UBXN7: variants seen among roughly 807,000 people sequenced by gnomAD.
The protein encoded by UBXN7 is UBX domain protein 7.
Under a neutral mutation model 58.0 loss-of-function variants are expected in UBXN7, and 9 were observed. The ratio of observed to expected loss-of-function variants is 0.16; its 90% CI spans 0.09 to 0.27. The LOEUF is 0.27. UBXN7 is among the 10% of genes least tolerant of loss of function. UBXN7 has a pLI of 1.00. For missense variants in UBXN7, 328 were observed against 599.6 expected (o/e 0.55, Z 4.73); for synonymous variants, 208 against 205.0 (o/e 1.01, Z -0.12).
chr3:196,405,026 C>T (rs1051661613), intron 2 of UBXN7, among the ~76,000 whole-genome samples: 4 of 152,076 alleles, frequency 2.6e-5, no homozygotes, highest in Non-Finnish European at 5.9e-5. Flanking sequence ...TGGTGGCATG[C>T]GCCTATAGTC....
intron 5 of UBXN7, among the ~76,000 whole-genome samples, chr3:196,381,618 A>T (rs1355303774): frequency 6.6e-6 from 1 of 152,246 alleles, no homozygotes; most frequent in Non-Finnish European, 1.5e-5. Flanking sequence ...GCAACGGAAC[A>T]ACGCTGGATG....
intron 7 of UBXN7, among the ~76,000 whole-genome samples, chr3:196,369,050 G>A (rs1217282040): frequency 3.3e-5 from 5 of 151,916 alleles, no homozygotes; most frequent in East Asian, 1.9e-4. Context: ...GGTCTGGATC[G>A]CCTGACCTCA....
intron 3 of UBXN7, chr3:196,400,104 G>A (rs186674742): frequency 3.9e-4 from 59 of 152,156 alleles, no homozygotes; most frequent in African/African-American, 1.4e-3. Context: ...AACTGGCCCA[G>A]GTTGGAAACA....
At chr3:196,397,961 AG>A (rs1448933706) in intron 3 of UBXN7, among the ~76,000 whole-genome samples, 1 of 152,218 alleles carries the variant, frequency 6.6e-6, no homozygotes, top group Non-Finnish European at 1.5e-5. Context: ...TGTCTAAGAC[AG>A]CCCCCAATTT....
intron 5 of UBXN7, among the ~76,000 whole-genome samples, chr3:196,389,368 GA>G (rs1729508790): frequency 6.6e-6 from 1 of 152,170 alleles, no homozygotes; most frequent in Non-Finnish European, 1.5e-5. Context: ...CTGACAAAAA[GA>G]AAGCATTGTT....
intron 3 of UBXN7, among the ~76,000 whole-genome samples, chr3:196,397,279 T>C (rs1729805968): frequency 6.6e-6 from 1 of 152,106 alleles, no homozygotes; most frequent in African/African-American, 2.4e-5. Flanking sequence ...AAAGTCAGCA[T>C]AGGGGAGGGA....
At chr3:196,376,856 G>A (rs1729044167) in intron 5 of UBXN7, among the ~76,000 whole-genome samples, 2 of 151,628 alleles carry the variant, frequency 1.3e-5, no homozygotes, top group South Asian at 4.2e-4. Flanking sequence ...GACCAACCTG[G>A]GCAACGTGGC....
intron 1 of UBXN7, among the ~76,000 whole-genome samples, chr3:196,429,501 C>G (rs973457176): frequency 1.3e-5 from 2 of 151,212 alleles, no homozygotes; most frequent in Admixed American, 6.6e-5. Context: ...CTTTTTTTTG[C>G]TCCTGCCTAA....
At chr3:196,376,536 ACT>A (rs1199615814) in intron 5 of UBXN7, among the ~76,000 whole-genome samples, 5 of 121,984 alleles carry the variant, frequency 4.1e-5, no homozygotes, top group African/African-American at 1.3e-4. Flanking sequence ...ACAGAGCGAG[ACT>A]CTGTCTCAAA....
chr3:196,385,936 G>A (rs1729375793), intron 5 of UBXN7, among the ~76,000 whole-genome samples: 2 of 152,178 alleles, frequency 1.3e-5, no homozygotes, highest in South Asian at 2.1e-4. Context: ...TCGAATAGAA[G>A]GGGGGGAAAT....
chr3:196,432,408 C>T lies in UBXN7; in HGVS notation c.-9G>A. 6.3e-7 allele frequency: 1 copy of T among 1,582,464 alleles called. No individual in the cohort carries two copies. The highest frequency in any genetic ancestry group is 1.1e-5 in the South Asian group (1 of 88,388). On this transcript the variant is annotated 5_prime_UTR_variant, in exon 1 of 11. Transcript: ENST00000296328. Reference sequence around the variant, plus strand: ...CCCCCGTGGGCAGCCATCTTACCGCCGCCGCCGCCGCCGAACAACAACACA... The same window carrying T: ...CCCCCGTGGGCAGCCATCTTACCGCTGCCGCCGCCGCCGAACAACAACACA...
At chr3:196,374,979 G>A (rs1466404306) in intron 5 of UBXN7, among the ~76,000 whole-genome samples, 1 of 40,326 alleles carries the variant, frequency 2.5e-5, no homozygotes, top group Non-Finnish European at 5.9e-5. Flanking sequence ...AGGAGGGAAG[G>A]AAGGAAGGGA....
intron 8 of UBXN7, among the ~76,000 whole-genome samples, chr3:196,367,617 AAC>A (rs1240360125): frequency 6.6e-6 from 1 of 152,148 alleles, no homozygotes; most frequent in African/African-American, 2.4e-5. Context: ...CAAAAAACAA[AAC>A]ACACAAAAAA....
In UBXN7 at chr3:196,393,595, C is replaced by T. The variant is rs753012779; in HGVS notation, c.314G>A (p.Arg105His). 4.3e-6 allele frequency: 7 copies of T among 1,612,358 alleles called. No homozygotes were observed. The highest frequency in any genetic ancestry group is 1.3e-5 in the African/African-American group (1 of 74,894). The change falls in exon 4 of 11, where the codon CGT becomes CAT. Residue 105 changes from arginine to histidine, a missense_variant. Arg to His is a conservative substitution (Grantham distance 29). Transcript: ENST00000296328. ...ATCCCGGAAACCATCAAAAATTGAACGTGCAGGCCGTCGTCTTTTAGGAGC... is the reference window on the plus strand; with the variant it reads ...ATCCCGGAAACCATCAAAAATTGAATGTGCAGGCCGTCGTCTTTTAGGAGC... ...FGAPKRRRPA[R>H]SIFDGFRDFQ...
At chr3:196,414,596 A>G (rs931831299) in intron 1 of UBXN7, 1 of 152,192 alleles carries the variant, frequency 6.6e-6, no homozygotes, top group Admixed American at 6.5e-5. Context: ...ATAAAACCCT[A>G]TCTTTGCATG....
chr3:196,358,656 G>A (rs553173173), intron 10 of UBXN7, among the ~76,000 whole-genome samples: 8 of 152,140 alleles, frequency 5.3e-5, no homozygotes, highest in African/African-American at 1.7e-4. Context: ...TGGGAGGCTC[G>A]CTTGAGCCCA....
In UBXN7 at chr3:196,374,504, T is replaced by C. The variant is rs929831973; in HGVS notation, c.469-2462A>G. 3.3e-5 allele frequency among the ~76,000 whole-genome samples: 5 copies of C among 152,098 alleles called. No individual in the cohort carries two copies. The East Asian group carries it at 5.8e-4, about 18-fold the overall frequency. On this transcript the variant is annotated intron_variant, in intron 5 of 10. Coordinates refer to ENST00000296328, the MANE Select transcript of UBXN7 (RefSeq NM_015562.2). ...AATGATACTAACCACATTGAAGATA[T>C]TGTTAAAAAATTGTTACTGCTAAAA...
intron 6 of UBXN7, among the ~76,000 whole-genome samples, chr3:196,370,891 T>C (rs902962271): frequency 6.8e-6 from 1 of 147,538 alleles, no homozygotes; most frequent in Admixed American, 6.8e-5. Flanking sequence ...TATATGGGCA[T>C]AGTGGTGCAT....
intron 3 of UBXN7, chr3:196,400,439 C>A (rs1186464306): frequency 6.5e-6 from 1 of 153,944 alleles, no homozygotes; most frequent in African/African-American, 2.4e-5. Context: ...TACTGTACAC[C>A]AATTCAGAGA....
Sources: allele counts gnomAD v4.1 joint callset (sites outside exome capture counted in the v4.1 genomes callset), GRCh38; gene constraint gnomAD v4.1.1; transcripts MANE v1.5; gene names NCBI Gene and HGNC (gene_info 2026-07-23, HGNC 2026-07-21).